RAP1A: variants seen among roughly 807,000 people sequenced by gnomAD.
The protein encoded by RAP1A is ras-related protein Rap-1A.
Under a neutral mutation model 26.4 loss-of-function variants are expected in RAP1A, and 6 were observed. That is an observed-to-expected ratio of 0.23 (90% CI 0.12 to 0.45). RAP1A has a LOEUF of 0.45. Among genes scored for constraint, RAP1A ranks in the 20% least tolerant of loss-of-function variants. The pLI is 0.99. For missense variants in RAP1A, 121 were observed against 217.2 expected, an observed-to-expected ratio of 0.56 and a Z score of 2.78; for synonymous variants, 73 against 79.4, an observed-to-expected ratio of 0.92 and a Z score of 0.43.
chr1:111,627,384 ATAT>A (rs1285255733), intron 1 of RAP1A: 7 of 151,604 alleles, frequency 4.6e-5, no homozygotes, highest in Non-Finnish European at 7.4e-5. Context: ...ATTCTTTATA[ATAT>A]TACTGTTTTA....
intron 1 of RAP1A, among the ~76,000 whole-genome samples, chr1:111,583,332 C>T (rs961841471): frequency 2.0e-5 from 3 of 150,506 alleles, no homozygotes; most frequent in African/African-American, 7.4e-5. Context: ...TAACCAGGCG[C>T]AATAGTTCAC....
intron 1 of RAP1A, among the ~76,000 whole-genome samples, chr1:111,681,367 A>G (rs1162615361): frequency 6.6e-6 from 1 of 152,244 alleles, no homozygotes; most frequent in Non-Finnish European, 1.5e-5. Context: ...AATTCACAGA[A>G]GTAGGCTTCA....
chr1:111,630,114 T>C (rs191747386), intron 1 of RAP1A, among the ~76,000 whole-genome samples: 1 of 152,328 alleles, frequency 6.6e-6, no homozygotes, highest in African/African-American at 2.4e-5. Flanking sequence ...GATACTGTTA[T>C]AAGATAGTTC....
At chr1:111,669,120 G>A (rs984986927) in intron 1 of RAP1A, among the ~76,000 whole-genome samples, 2 of 151,796 alleles carry the variant, frequency 1.3e-5, no homozygotes, top group African/African-American at 2.4e-5. Context: ...TATAATTAGT[G>A]ACCTGGAAGA....
intron 1 of RAP1A, among the ~76,000 whole-genome samples, chr1:111,622,657 T>C (rs1157585587): frequency 1.3e-5 from 2 of 152,234 alleles, no homozygotes; most frequent in Non-Finnish European, 2.9e-5. Flanking sequence ...GCATTGGACA[T>C]TATTGTTTAA....
At chr1:111,635,561 C>CTTTTTTTTTTTTTTTTTTTT (rs1557873119) in intron 1 of RAP1A, among the ~76,000 whole-genome samples, 8 of 152,082 alleles carry the variant, frequency 5.3e-5, no homozygotes, top group African/African-American at 1.9e-4. Context: ...TCTTTGTTTT[C>CTTTTTTTTTTTTTTTTTTTT]TTTGTGTTTT....
intron 1 of RAP1A, among the ~76,000 whole-genome samples, chr1:111,547,350 T>C (rs966056635): frequency 6.6e-6 from 1 of 152,124 alleles, no homozygotes; most frequent in Admixed American, 6.5e-5. Flanking sequence ...ATTGAGATGA[T>C]GATTTTTTTC....
At position 111,714,094 on chromosome 1, in the gene RAP1A, A is replaced by G. The variant is rs1662463755; in HGVS notation, c.*1693A>G. The G allele has an allele frequency of 6.6e-6, 1 of 152,246 alleles. No homozygotes were observed. Among genetic ancestry groups the G allele is most frequent in the Admixed American group, 6.5e-5 (1 of 15,286 alleles). The allele number at this position is 152,246 out of a possible 1,614,324, so 9.4% of individuals were successfully genotyped here. ...GGTTTCAAATGTTAAGCTTTGACCA[A>G]CCTGAGAAAATGTTAAAGTATTGTT... On this transcript the variant is annotated 3_prime_UTR_variant, in exon 8 of 8. Coordinates refer to ENST00000369709, the MANE Select transcript of RAP1A (RefSeq NM_002884.4).
At chr1:111,584,320 C>A (rs540359850) in intron 1 of RAP1A, among the ~76,000 whole-genome samples, 47 of 152,056 alleles carry the variant, frequency 3.1e-4, no homozygotes, top group African/African-American at 1.1e-3. Context: ...TAACAAAATA[C>A]GTTACACTGG....
rs1410354520 is a variant in RAP1A at position 111,714,806 on chromosome 1, G to T, written c.*2405G>T. On this transcript the variant is annotated 3_prime_UTR_variant, in exon 8 of 8. Transcript: ENST00000369709. ...ACCTGAAAATAAATGTATTTTTATA[G>T]CTGAAAAATCAAGAGTTTCTAGGAT... 6.6e-6 allele frequency: 1 copy of T among 152,168 alleles called. No homozygotes were observed. The highest frequency in any genetic ancestry group is 1.5e-5 in the Non-Finnish European group (1 of 68,030). The allele number at this position is 152,168 out of a possible 1,614,324, so 9.4% of individuals were successfully genotyped here. A position where few individuals can be genotyped will look rare whatever the true frequency, so the allele number is the denominator to read the frequency against.
chr1:111,583,780 T>C (rs944781206), intron 1 of RAP1A, among the ~76,000 whole-genome samples: 50 of 152,198 alleles, frequency 3.3e-4, no homozygotes, highest in African/African-American at 1.1e-3. Flanking sequence ...TATTAAACGT[T>C]ATACTTAACA....
intron 1 of RAP1A, among the ~76,000 whole-genome samples, chr1:111,626,303 T>A (rs982817692): frequency 1.3e-5 from 2 of 152,170 alleles, no homozygotes; most frequent in Non-Finnish European, 2.9e-5. Flanking sequence ...AATTGTTTGC[T>A]TTACTGCCTG....
chr1:111,614,099 C>T (rs1396951312), intron 1 of RAP1A, among the ~76,000 whole-genome samples: 1 of 152,190 alleles, frequency 6.6e-6, no homozygotes, highest in Non-Finnish European at 1.5e-5. Context: ...CAACCAATGT[C>T]TTAATACCCA....
At chr1:111,703,302 ATATATT>A (rs1028757882) in intron 4 of RAP1A, 28 bp from the exon 5 acceptor site, 3 of 1,372,642 alleles carry the variant, frequency 2.2e-6, no homozygotes, top group African/African-American at 3.0e-5. Context: ...CAAGAAATTT[ATATATT>A]TATAATTGCA....
chr1:111,589,290 T>G (rs1359732926), intron 1 of RAP1A, among the ~76,000 whole-genome samples: 3 of 152,182 alleles, frequency 2.0e-5, no homozygotes, highest in African/African-American at 7.2e-5. Flanking sequence ...GTATTTCAAT[T>G]TATCCAAAGC....
intron 1 of RAP1A, among the ~76,000 whole-genome samples, chr1:111,565,663 T>A (rs943685104): frequency 1.7e-4 from 26 of 152,308 alleles, no homozygotes; most frequent in Middle Eastern, 3.4e-3. Flanking sequence ...TGAAGCAGTG[T>A]GAAGCATTTT....
At chr1:111,698,060 A>G (rs1661892355) in intron 4 of RAP1A, among the ~76,000 whole-genome samples, 3 of 152,162 alleles carry the variant, frequency 2.0e-5, no homozygotes, top group Admixed American at 6.5e-5. Flanking sequence ...CATTAGGCAT[A>G]ATGTCTGTTA....
At chr1:111,644,433 TC>T (rs1449293658) in intron 1 of RAP1A, among the ~76,000 whole-genome samples, 1 of 152,060 alleles carries the variant, frequency 6.6e-6, no homozygotes, top group Admixed American at 6.6e-5. Flanking sequence ...CTCACATCAC[TC>T]TAAGATTCAG....
chr1:111,561,131 T>G (rs190397392), intron 1 of RAP1A, among the ~76,000 whole-genome samples: 1 of 152,242 alleles, frequency 6.6e-6, no homozygotes, highest in Non-Finnish European at 1.5e-5. Context: ...TTGGTTTGTT[T>G]GTTTGTTTTT....
Sources: gnomAD v4.1 joint callset for allele counts (sites outside exome capture counted in the v4.1 genomes callset) on GRCh38, gnomAD v4.1.1 for gene constraint, MANE v1.5 for transcripts, NCBI Gene and HGNC (gene_info 2026-07-23, HGNC 2026-07-21) for gene names.